Variants in DMD observed in about 807,000 individuals in gnomAD.
The protein encoded by DMD is dystrophin.
Under a neutral mutation model 330.1 loss-of-function variants are expected in DMD, and 63 were observed. That is an observed-to-expected ratio of 0.19 (90% CI 0.16 to 0.24). The LOEUF (loss-of-function observed/expected upper bound fraction) is 0.24. Ranked by LOEUF, DMD falls within the 10% of genes least tolerant of loss-of-function variation. DMD has a pLI of 1.00. For synonymous variants in DMD, 1,223 were observed against 959.8 expected, an observed-to-expected ratio of 1.27 and a Z score of -5.07; for missense variants, 3,344 against 2,684.1, an observed-to-expected ratio of 1.25 and a Z score of -5.43.
intron 1 of DMD, among the ~76,000 whole-genome samples, chrX:33,274,675 A>G (rs762427103): frequency 8.9e-6 from 1 of 111,797 alleles, no homozygotes; most frequent in African/African-American, 3.2e-5. Context: ...ACAACTTTGA[A>G]AATAATTTTT....
chrX:32,778,231 G>C (rs182179291), intron 7 of DMD, among the ~76,000 whole-genome samples: 1 of 96,801 alleles, frequency 1.0e-5, no homozygotes, highest in African/African-American at 3.8e-5. Context: ...CTTTTAAAAT[G>C]TCAGATCCTC....
chrX:31,822,109 A>C (rs1743244567), intron 49 of DMD, among the ~76,000 whole-genome samples: 1 of 112,433 alleles, frequency 8.9e-6, no homozygotes, highest in Non-Finnish European at 1.9e-5. Flanking sequence ...AAGCATTCAC[A>C]GACATGTAAG....
chrX:32,409,946 G>A (rs1030459098), intron 30 of DMD, among the ~76,000 whole-genome samples: 2 of 111,207 alleles, frequency 1.8e-5, no homozygotes, highest in African/African-American at 6.5e-5. Flanking sequence ...TTCTATACAT[G>A]TAAGAAAATA....
intron 57 of DMD, among the ~76,000 whole-genome samples, chrX:31,487,640 A>T (rs1240324866): frequency 9.0e-6 from 1 of 111,616 alleles, no homozygotes; most frequent in Non-Finnish European, 1.9e-5. Flanking sequence ...CTTACAATGT[A>T]TGGCAACCAT....
intron 30 of DMD, among the ~76,000 whole-genome samples, chrX:32,391,384 G>C (rs2098001388): frequency 1.8e-5 from 2 of 111,226 alleles, no homozygotes; most frequent in South Asian, 7.6e-4. Flanking sequence ...GCGAACTATA[G>C]CCCTGAACTG....
chrX:31,202,339 T>C (rs2043572849), intron 67 of DMD, among the ~76,000 whole-genome samples: 1 of 112,479 alleles, frequency 8.9e-6, no homozygotes, highest in Non-Finnish European at 1.9e-5. Flanking sequence ...TACTTGTGTC[T>C]ACATTTTGAT....
intron 1 of DMD, among the ~76,000 whole-genome samples, chrX:33,274,771 A>C (rs2053209277): frequency 8.9e-6 from 1 of 111,834 alleles, no homozygotes; most frequent in African/African-American, 3.3e-5. Flanking sequence ...CGAGGAGCCC[A>C]TGACTGAGAT....
intron 7 of DMD, among the ~76,000 whole-genome samples, chrX:32,770,884 G>A (rs2148458310): frequency 8.9e-6 from 1 of 112,271 alleles, no homozygotes; most frequent in Non-Finnish European, 1.9e-5. Context: ...CAAAAGGCAT[G>A]GAGAGGTTGG....
At chrX:33,147,988 C>G (rs1208590516) in intron 1 of DMD, among the ~76,000 whole-genome samples, 1 of 111,639 alleles carries the variant, frequency 9.0e-6, no homozygotes, top group African/African-American at 3.3e-5. Context: ...AAACTCAAAG[C>G]TGTATTTTAA....
At chrX:31,702,854 C>CT (rs534843685) in intron 52 of DMD, among the ~76,000 whole-genome samples, 9,619 of 89,052 alleles carry the variant, frequency 0.11, 525 homozygotes, top group Middle Eastern at 0.14. Flanking sequence ...TCAGAGAAGT[C>CT]TTTTTTTTTT....
chrX:32,164,735 C>A (rs1203694135), intron 44 of DMD, among the ~76,000 whole-genome samples: 1 of 110,942 alleles, frequency 9.0e-6, no homozygotes, highest in Non-Finnish European at 1.9e-5. Flanking sequence ...ACCTTCATTG[C>A]GGCTCCTCCC....
At chrX:32,102,333 T>G (rs2096543952) in intron 44 of DMD, among the ~76,000 whole-genome samples, 1 of 112,421 alleles carries the variant, frequency 8.9e-6, no homozygotes, top group South Asian at 3.6e-4. Flanking sequence ...GTGTGTTGAA[T>G]AAATAACAGA....
At chrX:32,560,018 C>T (rs2050803579) in intron 16 of DMD, among the ~76,000 whole-genome samples, 1 of 110,721 alleles carries the variant, frequency 9.0e-6, no homozygotes, top group South Asian at 3.8e-4. Flanking sequence ...GAGGTGCTCA[C>T]AGTTGAGAAT....
intron 44 of DMD, among the ~76,000 whole-genome samples, chrX:32,109,510 G>A (rs189577037): frequency 9.1e-6 from 1 of 110,012 alleles, no homozygotes; most frequent in East Asian, 2.8e-4. Context: ...TATAAAAATA[G>A]GTAATATCAT....
chrX:31,300,823 C>G (rs1245597700), intron 62 of DMD, among the ~76,000 whole-genome samples: 1 of 111,956 alleles, frequency 8.9e-6, no homozygotes, highest in Non-Finnish European at 1.9e-5. Context: ...AAATGTATTG[C>G]TCAGACTTCC....
chrX:33,308,213 C>A (rs1463890705), intron 1 of DMD, among the ~76,000 whole-genome samples: 1 of 111,748 alleles, frequency 8.9e-6, no homozygotes, highest in Non-Finnish European at 1.9e-5. Context: ...TTAAAAGATT[C>A]AAAAACACAA....
intron 44 of DMD, among the ~76,000 whole-genome samples, chrX:32,025,942 T>A (rs1224689960): frequency 8.9e-6 from 1 of 112,201 alleles, no homozygotes; most frequent in Non-Finnish European, 1.9e-5. Flanking sequence ...ATGTTACTTA[T>A]TATGATCATT....
intron 13 of DMD, among the ~76,000 whole-genome samples, chrX:32,588,505 T>C (rs2054536630): frequency 8.9e-6 from 1 of 111,903 alleles, no homozygotes; most frequent in Non-Finnish European, 1.9e-5. Context: ...ATAAAGCAGA[T>C]AACATGAGAC....
chrX:32,079,495 G>A (rs1296713963), intron 44 of DMD, among the ~76,000 whole-genome samples: 1 of 110,807 alleles, frequency 9.0e-6, no homozygotes, highest in African/African-American at 3.3e-5. Flanking sequence ...TTTGGGAGGC[G>A]GAGGCACACG....
Sources: gnomAD v4.1 joint callset for allele counts (sites outside exome capture counted in the v4.1 genomes callset) on GRCh38, gnomAD v4.1.1 for gene constraint, MANE v1.5 for transcripts, NCBI Gene and HGNC (gene_info 2026-07-23, HGNC 2026-07-21) for gene names.